The following CDH12 variants were observed in gnomAD, a reference collection of about 807,000 sequenced individuals.
CDH12 encodes the protein cadherin-12.
Under a neutral mutation model 74.1 loss-of-function variants are expected in CDH12, and 41 were observed. That is an observed-to-expected ratio of 0.55 (90% CI 0.43 to 0.72). The LOEUF is 0.72. Among genes scored for constraint, CDH12 ranks in the 30% least tolerant of loss-of-function variants. The probability of loss-of-function intolerance (pLI) is 0.00; values close to 1 mark genes in which losing one functional copy is unlikely to be tolerated. For missense variants in CDH12, 945 were observed against 977.2 expected (o/e 0.97, Z 0.44); for synonymous variants, 399 against 355.0 (o/e 1.12, Z -1.39).
chr5:22,220,035 T>C (rs1751958076), intron 3 of CDH12, among the ~76,000 whole-genome samples: 1 of 151,790 alleles, frequency 6.6e-6, no homozygotes. Context: ...TTAATGTATA[T>C]CACCATTGTC....
chr5:22,150,914 C>G (rs1427794630), intron 4 of CDH12, among the ~76,000 whole-genome samples: 4 of 152,216 alleles, frequency 2.6e-5, no homozygotes, highest in African/African-American at 9.6e-5. Context: ...GACTCTCCGG[C>G]TCCCTCCACA....
chr5:22,485,985 G>A (rs1746576230), intron 2 of CDH12, among the ~76,000 whole-genome samples: 1 of 152,172 alleles, frequency 6.6e-6, no homozygotes, highest in Non-Finnish European at 1.5e-5. Flanking sequence ...ACTGGATAAG[G>A]GACCTTTTTC....
intron 7 of CDH12, among the ~76,000 whole-genome samples, chr5:21,849,829 C>T (rs371673304): frequency 9.9e-5 from 15 of 151,788 alleles, no homozygotes; most frequent in African/African-American, 2.7e-4. Flanking sequence ...ATGAAATTAT[C>T]GCCTCATAAA....
chr5:22,573,621 C>T (rs548517811), intron 1 of CDH12, among the ~76,000 whole-genome samples: 1 of 152,148 alleles, frequency 6.6e-6, no homozygotes, highest in African/African-American at 2.4e-5. Context: ...TATTCAGGTC[C>T]ATTTTAGTGG....
chr5:21,929,464 G>A (rs1225861072), intron 6 of CDH12, among the ~76,000 whole-genome samples: 1 of 151,588 alleles, frequency 6.6e-6, no homozygotes, highest in Non-Finnish European at 1.5e-5. Context: ...TCCACAATAG[G>A]GTTCATGCTT....
At chr5:22,089,080 C>T (rs960062962) in intron 4 of CDH12, among the ~76,000 whole-genome samples, 1 of 152,198 alleles carries the variant, frequency 6.6e-6, no homozygotes, top group Non-Finnish European at 1.5e-5. Context: ...AGGCTGTTTA[C>T]ACTGACATTA....
At chr5:22,531,395 G>GA (rs150385804) in intron 1 of CDH12, among the ~76,000 whole-genome samples, 5 of 151,940 alleles carry the variant, frequency 3.3e-5, no homozygotes, top group Non-Finnish European at 5.9e-5. Flanking sequence ...TCTGAAAGGA[G>GA]AAAAAAATCA....
At chr5:22,416,186 T>C (rs1743382236) in intron 2 of CDH12, among the ~76,000 whole-genome samples, 1 of 142,988 alleles carries the variant, frequency 7.0e-6, no homozygotes, top group African/African-American at 2.6e-5. Context: ...GCCATTCTCC[T>C]GCCTCAGCCT....
rs1291514639 is a variant in CDH12 at position 22,188,431 on chromosome 5, T to A, written c.-187+24067A>T. On this transcript the variant is annotated intron_variant, in intron 4 of 14. Transcript: ENST00000382254. ...TCTCTATTCTTTACTAATTACCCAG[T>A]CAAAGGTATTCCTTTAGAGCAACAC... 2.0e-5 allele frequency among the ~76,000 whole-genome samples: 3 copies of A among 151,964 alleles called. No individual in the cohort carries two copies. In the East Asian group the frequency reaches 5.8e-4, roughly 29 times the overall value.
chr5:22,328,568 G>T (rs1233009805), intron 3 of CDH12, among the ~76,000 whole-genome samples: 1 of 152,110 alleles, frequency 6.6e-6, no homozygotes, highest in African/African-American at 2.4e-5. Context: ...TTAAACACTA[G>T]GTGAGAGTTA....
intron 4 of CDH12, among the ~76,000 whole-genome samples, chr5:22,132,503 G>C (rs897769155): frequency 1.2e-4 from 18 of 151,630 alleles, no homozygotes; most frequent in Non-Finnish European, 2.2e-4. Flanking sequence ...CGAGAACACA[G>C]CAGCCTTGTG....
At chr5:22,424,849 C>T (rs943650298) in intron 2 of CDH12, among the ~76,000 whole-genome samples, 1 of 151,394 alleles carries the variant, frequency 6.6e-6, no homozygotes, top group African/African-American at 2.4e-5. Context: ...AACATAGCCA[C>T]AAATAATAAA....
At chr5:21,866,156 A>C (rs552024856) in intron 6 of CDH12, among the ~76,000 whole-genome samples, 1 of 152,270 alleles carries the variant, frequency 6.6e-6, no homozygotes, top group South Asian at 2.1e-4. Flanking sequence ...AGTCCATTAC[A>C]TCTCTTTCTT....
chr5:22,078,736 G>A lies in CDH12; in HGVS notation c.-60C>T. On this transcript the variant is annotated 5_prime_UTR_variant, in exon 5 of 15. Transcript: ENST00000382254. Reference sequence around the variant, plus strand: ...CTCCAACACTTAACGTAGAATTGTGGAATCCAGGTTTGAGGTGTCTGTGGC... The same window carrying A: ...CTCCAACACTTAACGTAGAATTGTGAAATCCAGGTTTGAGGTGTCTGTGGC... 5.7e-6 allele frequency: 9 copies of A among 1,584,020 alleles called. No individual in the cohort carries two copies. Among genetic ancestry groups the A allele is most frequent in the Non-Finnish European group, 7.7e-6 (9 of 1,164,424 alleles).
At position 22,578,481 on chromosome 5, in the gene CDH12, C is replaced by T. The variant is rs1739908521; in HGVS notation, c.-522-73117G>A. 2.0e-5 allele frequency among the ~76,000 whole-genome samples: 3 copies of T among 151,900 alleles called. No homozygotes were observed. In the South Asian group the frequency reaches 6.2e-4, roughly 32 times the overall value. On this transcript the variant is annotated intron_variant, in intron 1 of 14. Coordinates refer to ENST00000382254, the MANE Select transcript of CDH12 (RefSeq NM_004061.5). ...GCAATTTGTTTTGTGTGTAAGTGCT[C>T]CTAAAACAAGCATCACTCTTTTGTA...
At chr5:21,837,991 G>A (rs1054041061) in intron 8 of CDH12, among the ~76,000 whole-genome samples, 5 of 152,044 alleles carry the variant, frequency 3.3e-5, no homozygotes, top group Admixed American at 1.3e-4. Flanking sequence ...AACATACGCC[G>A]TGATTTTTTT....
chr5:22,047,940 C>CT (rs899630673), intron 5 of CDH12, among the ~76,000 whole-genome samples: 1 of 152,162 alleles, frequency 6.6e-6, no homozygotes, highest in African/African-American at 2.4e-5. Flanking sequence ...ATGGATACTT[C>CT]TTTTTCAGTT....
chr5:21,874,661 T>C (rs914688068), intron 6 of CDH12, among the ~76,000 whole-genome samples: 11 of 152,152 alleles, frequency 7.2e-5, no homozygotes, highest in African/African-American at 2.7e-4. Context: ...CTGTGTTTGC[T>C]ACAGCTTGAG....
intron 3 of CDH12, among the ~76,000 whole-genome samples, chr5:22,223,295 G>A (rs1752081661): frequency 6.6e-6 from 1 of 152,036 alleles, no homozygotes; most frequent in East Asian, 1.9e-4. Context: ...CTGAAGTCAA[G>A]GTGTCTGTCA....
Sources: allele counts gnomAD v4.1 joint callset (sites outside exome capture counted in the v4.1 genomes callset), GRCh38; gene constraint gnomAD v4.1.1; transcripts MANE v1.5; gene names NCBI Gene and HGNC (gene_info 2026-07-23, HGNC 2026-07-21).